BCL2L12: variants seen among roughly 807,000 people sequenced by gnomAD.
BCL2L12 encodes bcl-2-like protein 12.
BCL2L12 carries 27 observed loss-of-function variants against 25.7 expected under a neutral mutation model. The observed-to-expected ratio is 1.05, with a 90% CI of 0.78 to 1.45. BCL2L12 has a LOEUF of 1.45. Ranked by LOEUF, BCL2L12 falls within the 40% of genes most tolerant of loss-of-function variation. The probability of loss-of-function intolerance (pLI) is 0.00; values close to 1 mark genes in which losing one functional copy is unlikely to be tolerated. For missense variants in BCL2L12, 302 were observed against 329.8 expected (o/e 0.92, Z 0.65); for synonymous variants, 132 against 145.6 (o/e 0.91, Z 0.67).
At position 49,672,945 on chromosome 19, in the gene BCL2L12, G is replaced by A. The variant is rs2081990333; in HGVS notation, c.703-753G>A. On this transcript the variant is annotated intron_variant, in intron 6 of 6. Transcript: ENST00000246784. This position sits in a 1 kb window ranked among gnomAD's most constrained non-coding sequence, Gnocchi z 4.1. ...TGCAGTGGCACGACCTTGGCTCACTGCAACCTCCACCTCCTGGGTTCAAGC... is the reference window on the plus strand; with the variant it reads ...TGCAGTGGCACGACCTTGGCTCACTACAACCTCCACCTCCTGGGTTCAAGC... 6.6e-6 allele frequency among the ~76,000 whole-genome samples: 1 copy of A among 152,168 alleles called. No individual in the cohort carries two copies. The highest frequency in any genetic ancestry group is 2.4e-5 in the African/African-American group (1 of 41,442).
chr19:49,667,069 G>A lies in BCL2L12; in HGVS notation c.158G>A (p.Cys53Tyr), dbSNP rs779783132. Residue 53 changes from cysteine to tyrosine, a missense_variant, in exon 3 of 7, where the codon TGT (cysteine) becomes TAT (tyrosine). Transcript: ENST00000246784. ...GACTTCCTGAGCCGCCTTCGAAGAT[G>A]TCTTCCCTGCTCCCTGGGGCGAGGA... ...PTDFLSRLRRCLPCSLGRGAA... is the reference protein window; with the variant it reads ...PTDFLSRLRRYLPCSLGRGAA... The A allele has an allele frequency of 2.5e-6, 4 of 1,613,940 alleles. No homozygotes were observed. The East Asian group carries it at 8.9e-5, about 36-fold the overall frequency.
At chr19:49,665,606 G>T, upstream of BCL2L12, 1 of 572,548 alleles carries the variant, frequency 1.7e-6, no homozygotes. Context: ...CGCCACCAAC[G>T]CTCTCCCGGG....
At chr19:49,666,296 T>C (rs2081756064) in intron 1 of BCL2L12, among the ~76,000 whole-genome samples, 1 of 152,212 alleles carries the variant, frequency 6.6e-6, no homozygotes, top group African/African-American at 2.4e-5. Context: ...TAGTTCCCGA[T>C]GCTTTAAGGG....
intron 5 of BCL2L12, 70 bp downstream of exon 5, chr19:49,669,185 G>A (rs2081896709): frequency 1.3e-6 from 2 of 1,576,002 alleles, no homozygotes; most frequent in Non-Finnish European, 1.7e-6. Flanking sequence ...GGGATCAGAA[G>A]CTGGATCTGT....
Position 49,666,080 on chromosome 19 carries a change from T to C in BCL2L12, c.-9+13T>C. 5 of 1,539,998 alleles carry C rather than the reference T, an allele frequency of 3.2e-6. No individual in the cohort carries two copies. The highest frequency in any genetic ancestry group is 4.4e-6 in the Non-Finnish European group (5 of 1,138,214). On this transcript the variant is annotated intron_variant, in intron 1 of 6. Coordinates refer to ENST00000246784, the MANE Select transcript of BCL2L12 (RefSeq NM_138639.2). ...GGCCCCGGACCAGGTCAGCGGGGTG[T>C]TGACGAGGGGTGGGGTGAGGAGGGA...
upstream of BCL2L12, chr19:49,665,897 G>A (rs771708612): frequency 6.2e-7 from 1 of 1,612,908 alleles, no homozygotes; most frequent in Non-Finnish European, 8.5e-7. Context: ...TGCTGGGAGC[G>A]TCACATGCAA....
At position 49,672,950 on chromosome 19, in the gene BCL2L12, C is replaced by T. The variant is rs1452064056; in HGVS notation, c.703-748C>T. 6.6e-6 allele frequency among the ~76,000 whole-genome samples: 1 copy of T among 152,218 alleles called. No individual in the cohort carries two copies. Among genetic ancestry groups the T allele is most frequent in the Non-Finnish European group, 1.5e-5 (1 of 68,036 alleles). On this transcript the variant is annotated intron_variant, in intron 6 of 6. Transcript: ENST00000246784. This position sits in a 1 kb window ranked among gnomAD's most constrained non-coding sequence, Gnocchi z 4.1. ...TGGCACGACCTTGGCTCACTGCAAC[C>T]TCCACCTCCTGGGTTCAAGCGATTC...
At chr19:49,665,737 G>T, upstream of BCL2L12, 1 of 1,503,412 alleles carries the variant, frequency 6.7e-7, no homozygotes, top group Non-Finnish European at 8.9e-7. Flanking sequence ...CGTCAGCTGA[G>T]CTCTAGAGCG....
Position 49,667,176 on chromosome 19 carries a change from T to C in BCL2L12, c.250+15T>C. On this transcript the variant is annotated intron_variant, in intron 3 of 6. Transcript: ENST00000246784. ...TTTAGAGCCTGGTAAGAGATTTCCA[T>C]GATCATCTATGAAGCCGGCAGAACA... 1.9e-6 allele frequency: 3 copies of C among 1,606,756 alleles called. No homozygotes were observed. The African/African-American group carries it at 4.0e-5, about 21-fold the overall frequency.
chr19:49,671,065 G>T (rs1286324238), intron 6 of BCL2L12, among the ~76,000 whole-genome samples: 1 of 152,184 alleles, frequency 6.6e-6, no homozygotes, highest in Non-Finnish European at 1.5e-5. Flanking sequence ...AGGAGACTGA[G>T]GCATGAGAAT....
At chr19:49,666,098 A>G (rs1331931706) in intron 1 of BCL2L12, 31 bp downstream of exon 1, 2 of 1,499,200 alleles carry the variant, frequency 1.3e-6, no homozygotes, top group African/African-American at 2.8e-5. Flanking sequence ...GGGTGGGGTG[A>G]GGAGGGAAGA....
At position 49,669,022 on chromosome 19, in the gene BCL2L12, A is replaced by G. The variant is rs2081891691; in HGVS notation, c.338-2A>G. On this transcript the variant is annotated splice_acceptor_variant, in intron 4 of 6. Transcript: ENST00000246784. LOFTEE classifies it high-confidence loss of function. The stretch of plus-strand genomic sequence containing the variant: ...CCCAGCCAAATTCTCTTCTGCCTCC[A>G]GAATTACAGGGTCCCCCATCGACAG... 5 of 1,613,934 alleles carry G rather than the reference A, an allele frequency of 3.1e-6. No homozygotes were observed. In the East Asian group the frequency reaches 6.7e-5, roughly 22 times the overall value.
intron 3 of BCL2L12, 109 bp from the exon 4 acceptor site, chr19:49,668,742 T>A: frequency 9.2e-7 from 1 of 1,087,294 alleles, no homozygotes; most frequent in Non-Finnish European, 1.3e-6. Flanking sequence ...CATAAATAAA[T>A]AATAAATAAA....
intron 6 of BCL2L12, 52 bp from the exon 7 acceptor site, chr19:49,673,646 A>T: frequency 2.0e-6 from 3 of 1,463,658 alleles, no homozygotes; most frequent in Non-Finnish European, 2.9e-6. Flanking sequence ...ACGCTGCTGT[A>T]TGGGGGGAAC....
chr19:49,670,044 GGTA>G (rs1331981886), intron 5 of BCL2L12, among the ~76,000 whole-genome samples, 169 bp from the exon 6 acceptor site: 1 of 152,162 alleles, frequency 6.6e-6, no homozygotes, highest in Admixed American at 6.5e-5. Context: ...CTATCCCGGG[GGTA>G]GTTTGGCAGA....
At chr19:49,670,512 C>A in intron 6 of BCL2L12, 24 bp downstream of exon 6, 1 of 1,534,710 alleles carries the variant, frequency 6.5e-7, no homozygotes, top group South Asian at 1.2e-5. Flanking sequence ...GCCTCTCTCT[C>A]CGGGCCTCAC....
intron 3 of BCL2L12, 71 bp from the exon 4 acceptor site, chr19:49,668,780 A>T (rs1273904300): frequency 5.0e-6 from 7 of 1,403,592 alleles, no homozygotes; most frequent in Middle Eastern, 2.5e-4. Flanking sequence ...CTGCCAAGGT[A>T]GTTGGGGGAA....
chr19:49,669,777 G>A (rs2081913958), intron 5 of BCL2L12, among the ~76,000 whole-genome samples: 1 of 152,082 alleles, frequency 6.6e-6, no homozygotes, highest in African/African-American at 2.4e-5. Flanking sequence ...TTAGAATGTA[G>A]GGGAAAATGT....
intron 6 of BCL2L12, among the ~76,000 whole-genome samples, chr19:49,671,275 C>A (rs2081957092): frequency 6.6e-6 from 1 of 151,944 alleles, no homozygotes; most frequent in Non-Finnish European, 1.5e-5. Flanking sequence ...CCAGCCTGAC[C>A]ATGGTGACAT....
Sources: gnomAD v4.1 joint callset for allele counts (sites outside exome capture counted in the v4.1 genomes callset) on GRCh38, gnomAD v4.1.1 for gene constraint, Gnocchi (gnomAD v3.1) non-coding constraint, MANE v1.5 for transcripts, NCBI Gene and HGNC (gene_info 2026-07-23, HGNC 2026-07-21) for gene names.